ME1: variants seen among roughly 807,000 people sequenced by gnomAD.
ME1 encodes the protein NADP-dependent malic enzyme.
A neutral mutation model predicts 66.4 loss-of-function variants in ME1; 74 were observed. The observed-to-expected ratio is 1.11, with a 90% CI of 0.92 to 1.35. The LOEUF (loss-of-function observed/expected upper bound fraction) is 1.35, where lower values mean the gene tolerates loss of function less well. Ranked by LOEUF, ME1 falls within the 40% of genes most tolerant of loss-of-function variation. ME1 has a pLI of 0.00. For missense variants in ME1, 750 were observed against 694.1 expected, an observed-to-expected ratio of 1.08 and a Z score of -0.90; for synonymous variants, 251 against 235.6, an observed-to-expected ratio of 1.07 and a Z score of -0.60.
intron 3 of ME1, among the ~76,000 whole-genome samples, chr6:83,367,322 T>C (rs540794624): frequency 6.6e-6 from 1 of 152,284 alleles, no homozygotes; most frequent in Non-Finnish European, 1.5e-5. Context: ...AAATGCTAAG[T>C]AGGTATTGGC....
chr6:83,292,979 C>T (rs952280423), intron 6 of ME1, among the ~76,000 whole-genome samples: 3 of 152,106 alleles, frequency 2.0e-5, no homozygotes, highest in Admixed American at 6.5e-5. Context: ...CCTGGTCTGC[C>T]GGTTGCAAAG....
intron 6 of ME1, among the ~76,000 whole-genome samples, chr6:83,290,688 TTC>T (rs1767484829): frequency 6.6e-6 from 1 of 152,190 alleles, no homozygotes. Context: ...CTTGCTCATT[TTC>T]TGTCTTGTTG....
chr6:83,327,181 C>G (rs1205124077), intron 5 of ME1, among the ~76,000 whole-genome samples: 1 of 152,078 alleles, frequency 6.6e-6, no homozygotes, highest in East Asian at 1.9e-4. Flanking sequence ...ACCTCAGGAC[C>G]CTGTAATAAT....
At position 83,210,442 on chromosome 6, in the gene ME1, C is replaced by T. The variant is rs186912026; in HGVS notation, c.*1482G>A. ...TTTTTATTCATTCACCTTTTCTATG[C>T]TTTAATAAATCTTTTGCATAGGTAA... On this transcript the variant is annotated 3_prime_UTR_variant, in exon 14 of 14. Transcript: ENST00000369705. 2 of 152,632 alleles carry T rather than the reference C, an allele frequency of 1.3e-5. No homozygotes were observed. The highest frequency in any genetic ancestry group is 2.4e-5 in the African/African-American group (1 of 41,558). The allele number at this position is 152,632 out of a possible 1,614,324, so 9.5% of individuals were successfully genotyped here.
At chr6:83,406,416 C>G (rs1323225430) in intron 2 of ME1, among the ~76,000 whole-genome samples, 1 of 152,152 alleles carries the variant, frequency 6.6e-6, no homozygotes, top group Non-Finnish European at 1.5e-5. Context: ...ACCAGCTCCT[C>G]TTTATATTTC....
intron 2 of ME1, among the ~76,000 whole-genome samples, chr6:83,402,608 C>T (rs149078052): frequency 1.3e-3 from 191 of 152,256 alleles, no homozygotes; most frequent in African/African-American, 4.5e-3. Flanking sequence ...TGTTACACTA[C>T]AGTGGAGGCG....
chr6:83,283,443 G>C (rs1296762193), intron 6 of ME1, among the ~76,000 whole-genome samples: 1 of 151,646 alleles, frequency 6.6e-6, no homozygotes, highest in Non-Finnish European at 1.5e-5. Flanking sequence ...AAAGGAGAGG[G>C]AGAGCATTAG....
At chr6:83,277,762 C>T (rs144013324) in intron 6 of ME1, among the ~76,000 whole-genome samples, 37 of 151,950 alleles carry the variant, frequency 2.4e-4, no homozygotes, top group Admixed American at 1.9e-3. Context: ...ATTATCCTAG[C>T]GTGGTGGCAC....
At chr6:83,429,131 C>T (rs1179362198) in intron 1 of ME1, among the ~76,000 whole-genome samples, 2 of 152,138 alleles carry the variant, frequency 1.3e-5, no homozygotes, top group East Asian at 3.9e-4. Context: ...GGCATGGTGG[C>T]GGGCGCTTGT....
At chr6:83,267,800 A>G (rs1767014001) in intron 6 of ME1, among the ~76,000 whole-genome samples, 1 of 152,226 alleles carries the variant, frequency 6.6e-6, no homozygotes, top group African/African-American at 2.4e-5. Flanking sequence ...TTATATATAA[A>G]CATAGATATT....
chr6:83,215,885 G>T (rs1039762690), intron 13 of ME1, among the ~76,000 whole-genome samples: 1 of 152,176 alleles, frequency 6.6e-6, no homozygotes, highest in African/African-American at 2.4e-5. Flanking sequence ...CCCAGCCCAA[G>T]AAAACTAATA....
chr6:83,321,437 A>C (rs1407395905), intron 5 of ME1, among the ~76,000 whole-genome samples: 1 of 152,052 alleles, frequency 6.6e-6, no homozygotes, highest in Non-Finnish European at 1.5e-5. Context: ...CACAGCAGTC[A>C]GACCTGGGAC....
chr6:83,211,337 C>A lies in ME1; in HGVS notation c.*587G>T, dbSNP rs1789867281. On this transcript the variant is annotated 3_prime_UTR_variant, in exon 14 of 14. Coordinates refer to ENST00000369705, the MANE Select transcript of ME1 (RefSeq NM_002395.6). ...AACAATGACAAAAGAATATTAAAAT[C>A]TAAGGCTGCACAAGGCGCTGTAAAC... is the stretch of plus-strand genomic sequence containing the variant. 6.6e-6 allele frequency: 1 copy of A among 152,624 alleles called. No homozygotes were observed. The highest frequency in any genetic ancestry group is 2.1e-4 in the South Asian group (1 of 4,834). The allele number at this position is 152,624 out of a possible 1,614,324, so 9.5% of individuals were successfully genotyped here. A position where few individuals can be genotyped will look rare whatever the true frequency, so the allele number is the denominator to read the frequency against.
chr6:83,284,622 C>G (rs1301225749), intron 6 of ME1, among the ~76,000 whole-genome samples: 1 of 152,070 alleles, frequency 6.6e-6, no homozygotes, highest in African/African-American at 2.4e-5. Flanking sequence ...TCAATAGATG[C>G]AGAAAACCTT....
chr6:83,287,824 T>C (rs557827097), intron 6 of ME1, among the ~76,000 whole-genome samples: 1 of 152,340 alleles, frequency 6.6e-6, no homozygotes, highest in African/African-American at 2.4e-5. Context: ...TGTTGTTTCC[T>C]GACTTTCTAA....
At chr6:83,272,324 T>TC (rs1767097866) in intron 6 of ME1, among the ~76,000 whole-genome samples, 1 of 152,172 alleles carries the variant, frequency 6.6e-6, no homozygotes, top group East Asian at 1.9e-4. Context: ...CATTTTTTTT[T>TC]CTGAAATATA....
chr6:83,264,948 A>C (rs1766962035), intron 6 of ME1, among the ~76,000 whole-genome samples: 1 of 152,232 alleles, frequency 6.6e-6, no homozygotes, highest in African/African-American at 2.4e-5. Context: ...TATTGAAAGA[A>C]GTTCTACTGT....
intron 1 of ME1, among the ~76,000 whole-genome samples, chr6:83,424,174 T>C (rs1277810786): frequency 6.6e-6 from 1 of 151,578 alleles, no homozygotes; most frequent in Non-Finnish European, 1.5e-5. Context: ...TATAGAGATA[T>C]AAGAGGATAT....
chr6:83,304,613 T>A (rs1453306070), intron 6 of ME1, among the ~76,000 whole-genome samples: 3 of 152,216 alleles, frequency 2.0e-5, no homozygotes, highest in African/African-American at 2.4e-5. Flanking sequence ...TGGGTCACCA[T>A]CTGTGGATAC....
Sources: gnomAD v4.1 joint callset for allele counts (sites outside exome capture counted in the v4.1 genomes callset) on GRCh38, gnomAD v4.1.1 for gene constraint, MANE v1.5 for transcripts, NCBI Gene and HGNC (gene_info 2026-07-23, HGNC 2026-07-21) for gene names.